The following GMCL1 variants were observed in gnomAD, a reference collection of about 807,000 sequenced individuals.
The protein encoded by GMCL1 is germ cell-less protein-like 1.
In GMCL1, 54 loss-of-function variants were observed where a neutral mutation model predicts 75.5. The observed-to-expected ratio is 0.71, with a 90% confidence interval of 0.57 to 0.90. The LOEUF (loss-of-function observed/expected upper bound fraction) is 0.90, where lower values mean the gene tolerates loss of function less well. GMCL1 is among the 40% of genes least tolerant of loss of function. The probability of loss-of-function intolerance (pLI) is 0.00; values close to 1 mark genes in which losing one functional copy is unlikely to be tolerated. For missense variants in GMCL1, 537 were observed against 622.7 expected (o/e 0.86, Z 1.47); for synonymous variants, 210 against 209.6 (o/e 1.00, Z -0.02).
intron 13 of GMCL1, chr2:69,873,812 T>A (rs1031132029): frequency 1.2e-5 from 2 of 168,274 alleles, no homozygotes; most frequent in African/African-American, 4.8e-5. Flanking sequence ...GTTGGTCGCA[T>A]AGTGGTCAGG....
chr2:69,847,707 A>T, intron 7 of GMCL1, 80 bp downstream of exon 7: 3 of 786,490 alleles, frequency 3.8e-6, no homozygotes, highest in Non-Finnish European at 6.4e-6. Flanking sequence ...TGGAAACAGT[A>T]TCCAGTAATA....
Position 69,830,095 on chromosome 2 carries a change from C to T in GMCL1, c.203C>T (p.Thr68Met). The T allele has an allele frequency of 6.3e-7, 1 of 1,578,454 alleles. No homozygotes were observed. The highest frequency in any genetic ancestry group is 8.6e-7 in the Non-Finnish European group (1 of 1,161,664). ...SFCYCHPDSETDEDEEEGDEQ... is the reference protein window; with the variant it reads ...SFCYCHPDSEMDEDEEEGDEQ... ...TGCTACTGTCACCCTGACTCGGAGACGGACGAGGATGAGGAGGAGGGGGAC... is the reference window on the plus strand; with the variant it reads ...TGCTACTGTCACCCTGACTCGGAGATGGACGAGGATGAGGAGGAGGGGGAC... Residue 68 changes from threonine to methionine, a missense_variant, in exon 1 of 14, where the codon ACG becomes ATG. Physicochemically the swap from Thr to Met is moderately conservative, Grantham distance 81 (BLOSUM62 -1). Around this residue, in one of 3 missense-constraint regions of GMCL1, gnomAD observed 144 missense variants for 127.2 expected, o/e 1.13. Transcript: ENST00000282570.
chr2:69,869,970 G>A (rs577607923), intron 12 of GMCL1, 106 bp downstream of exon 12: 24 of 1,134,882 alleles, frequency 2.1e-5, no homozygotes, highest in Non-Finnish European at 2.7e-5. Flanking sequence ...GTAAGCTACA[G>A]TATATGTGGA....
In GMCL1 at chr2:69,869,778, T is replaced by C; in HGVS notation, c.1278T>C (p.Asn426=). Residue 426 remains asparagine, a synonymous_variant, in exon 12 of 14, where the codon AAT becomes AAC. Coordinates refer to ENST00000282570, the MANE Select transcript of GMCL1 (RefSeq NM_178439.5). ...TCGACCTACTTGTAACTTACACCAATCGATACATCATTTTCAAACGCAATA... is the reference window on the plus strand; with the variant it reads ...TCGACCTACTTGTAACTTACACCAACCGATACATCATTTTCAAACGCAATA... ...FGFDLLVTYT[N]RYIIFKRNTL... 6.2e-7 allele frequency: 1 copy of C among 1,614,048 alleles called. No individual in the cohort carries two copies. The highest frequency in any genetic ancestry group is 8.5e-7 in the Non-Finnish European group (1 of 1,179,974).
Position 69,865,064 on chromosome 2 carries a change from C to T in GMCL1, c.1218+89C>T, listed in dbSNP as rs115076547. 6.4e-4 allele frequency: 616 copies of T among 955,162 alleles called. 2 individuals carry two copies. The African/African-American group carries it at 9.0e-3, about 14-fold the overall frequency. 59.2% of individuals were successfully genotyped at this position (955,162 alleles called of 1,614,324 possible). On this transcript the variant is annotated intron_variant, in intron 11 of 13. Transcript: ENST00000282570. ...TGTAAGTAGTAATCATGACACCTGT[C>T]ATACCTCAGAAGAGCTTGTTTGATA...
At chr2:69,864,784 C>A in intron 10 of GMCL1, 116 bp from the exon 11 acceptor site, 1 of 658,014 alleles carries the variant, frequency 1.5e-6, no homozygotes, top group Non-Finnish European at 2.6e-6. Flanking sequence ...TTATCTGTAC[C>A]ACAAAAACTT....
intron 10 of GMCL1, among the ~76,000 whole-genome samples, chr2:69,863,433 A>C (rs1225046635): frequency 1.3e-5 from 2 of 152,194 alleles, no homozygotes; most frequent in Admixed American, 1.3e-4. Context: ...TCTGGTGTCA[A>C]ATTTCCCTCT....
rs1388077118 is a variant in GMCL1 at position 69,829,779 on chromosome 2, G to A, written c.-114G>A. ...TCCGCTGCAACGGTTGGGGCTGCGC[G>A]TGAGAAGGTGGCGGTGTAGGCACCT... On this transcript the variant is annotated 5_prime_UTR_variant, in exon 1 of 14. The change creates a new upstream start codon in the 5' untranslated region. Transcript: ENST00000282570. 2 of 1,175,474 alleles carry A rather than the reference G, an allele frequency of 1.7e-6. No homozygotes were observed. Among genetic ancestry groups the A allele is most frequent in the East Asian group, 2.6e-5 (1 of 38,534 alleles). The allele number at this position is 1,175,474 out of a possible 1,614,324, so 72.8% of individuals were successfully genotyped here.
intron 6 of GMCL1, among the ~76,000 whole-genome samples, chr2:69,846,598 C>G (rs987633734): frequency 6.6e-6 from 1 of 152,098 alleles, no homozygotes; most frequent in Non-Finnish European, 1.5e-5. Flanking sequence ...GGAGCAGGAT[C>G]CTCTTAAAAA....
chr2:69,876,962 T>TGG (rs1676144835), intron 13 of GMCL1, among the ~76,000 whole-genome samples: 1 of 152,196 alleles, frequency 6.6e-6, no homozygotes, highest in African/African-American at 2.4e-5. Flanking sequence ...CACTCCAGCC[T>TGG]GGGTGACAGA....
chr2:69,859,742 T>TTAAAAAAAAAAA (rs1553372489), intron 9 of GMCL1, among the ~76,000 whole-genome samples: 5 of 79,094 alleles, frequency 6.3e-5, no homozygotes, highest in Admixed American at 1.7e-4. Context: ...TCTCTCTCTC[T>TTAAAAAAAAAAA]AAAAAAAAAA....
chr2:69,843,964 CTT>C (rs1325900169), intron 5 of GMCL1, among the ~76,000 whole-genome samples, 165 bp from the exon 6 acceptor site: 1 of 149,628 alleles, frequency 6.7e-6, no homozygotes, highest in Non-Finnish European at 1.5e-5. Context: ...GAAATATTCT[CTT>C]AATAATATCC....
chr2:69,837,382 A>G (rs1674849126), intron 1 of GMCL1, among the ~76,000 whole-genome samples, 165 bp from the exon 2 acceptor site: 1 of 152,170 alleles, frequency 6.6e-6, no homozygotes. Flanking sequence ...ACTCTTCTAG[A>G]CACAAGAAAA....
intron 6 of GMCL1, among the ~76,000 whole-genome samples, chr2:69,846,807 C>A (rs1292415786): frequency 6.6e-6 from 1 of 151,646 alleles, no homozygotes; most frequent in Non-Finnish European, 1.5e-5. Flanking sequence ...ATTACTTTGA[C>A]GATATAGCTG....
chr2:69,871,836 T>C lies in GMCL1; in HGVS notation c.1452+4T>C. 6.6e-7 allele frequency: 1 copy of C among 1,506,658 alleles called. No individual in the cohort carries two copies. Among genetic ancestry groups the C allele is most frequent in the Non-Finnish European group, 9.1e-7 (1 of 1,097,186 alleles). The allele number at this position is 1,506,658 out of a possible 1,614,324, so 93.3% of individuals were successfully genotyped here. A position where few individuals can be genotyped will look rare whatever the true frequency, so the allele number is the denominator to read the frequency against. On this transcript the variant is annotated splice_donor_region_variant and intron_variant, in intron 13 of 13. Coordinates refer to ENST00000282570, the MANE Select transcript of GMCL1 (RefSeq NM_178439.5). ...ACTTACACTTGAAAAGGATCAGGTATGTTCGATTATCTTCTGGTATGTCAT... is the reference window on the plus strand; with the variant it reads ...ACTTACACTTGAAAAGGATCAGGTACGTTCGATTATCTTCTGGTATGTCAT...
intron 8 of GMCL1, among the ~76,000 whole-genome samples, chr2:69,850,344 A>G (rs1675281202): frequency 6.8e-6 from 1 of 147,352 alleles, no homozygotes; most frequent in Non-Finnish European, 1.5e-5. Flanking sequence ...ATACATGTGT[A>G]TACTAAGTTA....
chr2:69,875,636 T>C (rs1390635222), intron 13 of GMCL1, among the ~76,000 whole-genome samples: 2 of 152,170 alleles, frequency 1.3e-5, no homozygotes, highest in Non-Finnish European at 1.5e-5. Context: ...CTCTAAAATT[T>C]GTAGTTTTTC....
intron 11 of GMCL1, among the ~76,000 whole-genome samples, chr2:69,866,381 A>G (rs944447798): frequency 9.9e-5 from 15 of 152,210 alleles, no homozygotes; most frequent in African/African-American, 2.9e-4. Context: ...TCAACCTTAT[A>G]TAGATACCTA....
intron 9 of GMCL1, among the ~76,000 whole-genome samples, chr2:69,855,597 A>T (rs1675447735): frequency 6.6e-6 from 1 of 152,138 alleles, no homozygotes; most frequent in South Asian, 2.1e-4. Context: ...ATTGTGACAT[A>T]GCTATATGTT....
Sources: allele counts gnomAD v4.1 joint callset (sites outside exome capture counted in the v4.1 genomes callset), GRCh38; gene constraint gnomAD v4.1.1; regional missense constraint gnomAD v4.1.1; transcripts MANE v1.5; gene names NCBI Gene and HGNC (gene_info 2026-07-23, HGNC 2026-07-21).